Variants in RBFOX1 observed in about 807,000 individuals in gnomAD.
RBFOX1 encodes RNA binding fox-1 homolog 1, also known as RNA binding protein fox-1 homolog 1.
In RBFOX1, 8 loss-of-function variants were observed where a neutral mutation model predicts 57.7. That is an observed-to-expected ratio of 0.14 (90% CI 0.08 to 0.25). RBFOX1 has a LOEUF of 0.25. Among genes scored for constraint, RBFOX1 ranks in the 10% least tolerant of loss-of-function variants. RBFOX1 has a pLI of 1.00. For missense variants in RBFOX1, 611 were observed against 548.5 expected (o/e 1.11, Z -1.14); for synonymous variants, 326 against 222.4 (o/e 1.47, Z -4.15).
At chr16:6,910,109 C>G (rs536023515) in intron 3 of RBFOX1, among the ~76,000 whole-genome samples, 17 of 152,060 alleles carry the variant, frequency 1.1e-4, no homozygotes, top group South Asian at 2.1e-4. Context: ...CACGGAAAAC[C>G]TTGGTAGCGT....
At chr16:5,600,368 C>T (rs2047326395), downstream of RBFOX1, among the ~76,000 whole-genome samples, 1 of 151,272 alleles carries the variant, frequency 6.6e-6, no homozygotes, top group African/African-American at 2.4e-5. Context: ...CGCCTGCAGT[C>T]TCAGACACTC....
chr16:6,628,988 C>G (rs972335162), intron 2 of RBFOX1, among the ~76,000 whole-genome samples: 1 of 152,242 alleles, frequency 6.6e-6, no homozygotes, highest in South Asian at 2.1e-4. Flanking sequence ...CGAGATTGCA[C>G]CACTGCACTG....
chr16:5,621,590 G>A (rs2048202979), intron 3 of RBFOX1, among the ~76,000 whole-genome samples: 1 of 152,132 alleles, frequency 6.6e-6, no homozygotes, highest in Non-Finnish European at 1.5e-5. Flanking sequence ...ATTCAGTGCT[G>A]ACTTCCCCTA....
chr16:6,545,174 G>T (rs942976620), intron 2 of RBFOX1, among the ~76,000 whole-genome samples: 2 of 152,058 alleles, frequency 1.3e-5, no homozygotes, highest in African/African-American at 2.4e-5. Context: ...CAAACTACCC[G>T]CATCTGGACT....
intron 4 of RBFOX1, among the ~76,000 whole-genome samples, chr16:7,498,954 A>G (rs1005118062): frequency 6.6e-6 from 1 of 152,200 alleles, no homozygotes; most frequent in African/African-American, 2.4e-5. Context: ...TTAGCTGTTT[A>G]CCTAATTGTT....
chr16:6,818,243 C>T (rs1435355121), intron 3 of RBFOX1, among the ~76,000 whole-genome samples: 2 of 151,978 alleles, frequency 1.3e-5, no homozygotes, highest in Admixed American at 1.3e-4. Flanking sequence ...ATGATACAAG[C>T]AGAGGCTTTA....
intron 4 of RBFOX1, among the ~76,000 whole-genome samples, chr16:7,358,831 C>T (rs1488693079): frequency 7.2e-5 from 11 of 152,126 alleles, no homozygotes; most frequent in South Asian, 2.1e-4. Flanking sequence ...TATGTGCTCA[C>T]GATGACTTAT....
intron 4 of RBFOX1, among the ~76,000 whole-genome samples, chr16:7,085,071 G>A (rs1395468300): frequency 6.6e-6 from 1 of 151,524 alleles, no homozygotes; most frequent in African/African-American, 2.4e-5. Flanking sequence ...TATTGTAAAA[G>A]TTCTATATGA....
intron 3 of RBFOX1, among the ~76,000 whole-genome samples, chr16:7,043,200 C>T (rs181261549): frequency 1.3e-5 from 2 of 152,268 alleles, no homozygotes; most frequent in East Asian, 1.9e-4. Context: ...ATGTCTCCTC[C>T]ACTGCTTCCC....
chr16:7,029,644 G>C (rs2067631), intron 3 of RBFOX1, among the ~76,000 whole-genome samples: 13,989 of 152,066 alleles, frequency 0.092, 1,047 homozygotes, highest in East Asian at 0.32. Flanking sequence ...TATGAGATTT[G>C]AAATGCGGAA....
At chr16:5,475,491 C>A (rs1026753176) in intron 2 of RBFOX1, among the ~76,000 whole-genome samples, 2 of 152,222 alleles carry the variant, frequency 1.3e-5, no homozygotes, top group African/African-American at 4.8e-5. Context: ...TTCTTCCAAC[C>A]TCTTCCCAGG....
At chr16:7,181,086 C>A (rs949757201) in intron 4 of RBFOX1, among the ~76,000 whole-genome samples, 1 of 152,182 alleles carries the variant, frequency 6.6e-6, no homozygotes, top group Non-Finnish European at 1.5e-5. Context: ...GGCTTACTGA[C>A]CCCCTGCTAT....
At chr16:6,684,369 G>A (rs1459040116) in intron 3 of RBFOX1, among the ~76,000 whole-genome samples, 1 of 152,160 alleles carries the variant, frequency 6.6e-6, no homozygotes, top group South Asian at 2.1e-4. Context: ...TAATTTTCCT[G>A]AGCAGCCATT....
intron 3 of RBFOX1, among the ~76,000 whole-genome samples, chr16:5,783,854 A>G (rs998461040): frequency 3.3e-5 from 5 of 152,164 alleles, no homozygotes; most frequent in African/African-American, 1.2e-4. Context: ...TCATCTACAA[A>G]GTAAGGATCA....
intron 5 of RBFOX1, among the ~76,000 whole-genome samples, chr16:7,522,478 G>C (rs1237778052): frequency 6.6e-6 from 1 of 152,196 alleles, no homozygotes; most frequent in Non-Finnish European, 1.5e-5. Context: ...GAAGACAATA[G>C]TTTTGCTAGA....
chr16:7,633,020 T>G (rs554302152), intron 11 of RBFOX1, among the ~76,000 whole-genome samples: 2 of 152,048 alleles, frequency 1.3e-5, no homozygotes, highest in Admixed American at 6.6e-5. Context: ...AGCTGAAGCA[T>G]AGAGAGAAAA....
At position 6,902,896 on chromosome 16, in the gene RBFOX1, T is replaced by C. The variant is rs564696333; in HGVS notation, c.-15-149161T>C. On this transcript the variant is annotated intron_variant, in intron 3 of 15. Transcript: ENST00000550418. Reference sequence around the variant, plus strand: ...TCAGACATTGACTAAGCTCCTACTTTAGGCCAAGTATTGAAGATGTAGATT... The same window carrying C: ...TCAGACATTGACTAAGCTCCTACTTCAGGCCAAGTATTGAAGATGTAGATT... Among the ~76,000 whole-genome samples, 119 of 152,332 alleles carry C rather than the reference T, an allele frequency of 7.8e-4. 2 individuals carry two copies. Among genetic ancestry groups the C allele is most frequent in the Admixed American group, 7.7e-3 (117 of 15,292 alleles).
intron 4 of RBFOX1, among the ~76,000 whole-genome samples, chr16:7,359,780 C>G (rs928414620): frequency 6.8e-4 from 104 of 152,182 alleles, no homozygotes; most frequent in African/African-American, 2.3e-3. Flanking sequence ...TTCAGGAGAT[C>G]GAGACCATCC....
chr16:7,547,829 A>G (rs1167548135), intron 5 of RBFOX1, among the ~76,000 whole-genome samples: 3 of 152,228 alleles, frequency 2.0e-5, no homozygotes, highest in African/African-American at 7.2e-5. Context: ...ATTAATGAAC[A>G]TGGAGGTTGT....
Sources: allele counts gnomAD v4.1 joint callset (sites outside exome capture counted in the v4.1 genomes callset), GRCh38; gene constraint gnomAD v4.1.1; transcripts MANE v1.5; gene names NCBI Gene and HGNC (gene_info 2026-07-23, HGNC 2026-07-21).